Variants in PCF11 observed in about 807,000 individuals in gnomAD.
PCF11 encodes the protein PCF11 cleavage and polyadenylation factor subunit, also known as pre-mRNA cleavage complex 2 protein Pcf11.
Under a neutral mutation model 166.1 loss-of-function variants are expected in PCF11, and 19 were observed. The ratio of observed to expected loss-of-function variants is 0.11; its 90% CI spans 0.08 to 0.17. The LOEUF (loss-of-function observed/expected upper bound fraction) is 0.17. Ranked by LOEUF, PCF11 falls within the 10% of genes least tolerant of loss-of-function variation. PCF11 has a pLI of 1.00. For missense variants in PCF11, 1,565 were observed against 1,855.5 expected, an observed-to-expected ratio of 0.84 and a Z score of 2.88; for synonymous variants, 663 against 644.1, an observed-to-expected ratio of 1.03 and a Z score of -0.44.
chr11:83,157,154 C>G (rs1206635487), exon 1 of PCF11: 12 of 571,356 alleles, frequency 2.1e-5, no homozygotes, highest in African/African-American at 3.8e-5. Context: ...GTTGGGAACA[C>G]AGACATTTTC....
intron 8 of PCF11, 25 bp from the exon 9 acceptor site, chr11:83,171,793 C>T: frequency 8.2e-7 from 1 of 1,221,816 alleles, no homozygotes; most frequent in Non-Finnish European, 1.2e-6. Context: ...AAAGCATGTT[C>T]TTAAAATTAA....
At chr11:83,157,163 T>A (rs1233815490) in exon 1 of PCF11, 1 of 572,716 alleles carries the variant, frequency 1.7e-6, no homozygotes, top group Non-Finnish European at 3.1e-6. Flanking sequence ...ACAGACATTT[T>A]CGGAGCTGGA....
exon 2 of PCF11, chr11:83,161,347 T>C: frequency 6.3e-7 from 1 of 1,599,918 alleles, no homozygotes. Flanking sequence ...CAGAGAAGCT[T>C]CCTGTTATGT....
Position 83,167,390 on chromosome 11 carries a change from A to T in PCF11, c.2002-25A>T, listed in dbSNP as rs779736083. 6 of 1,531,980 alleles carry T rather than the reference A, an allele frequency of 3.9e-6. No individual in the cohort carries two copies. In the African/African-American group the frequency reaches 7.0e-5, roughly 18 times the overall value. 94.9% of individuals were successfully genotyped at this position (1,531,980 alleles called of 1,614,324 possible). ...TATTTTTTTATATTTAAAATATTTTATTTCCTTTTATCACCCCTATACAGA... is the reference window on the plus strand; with the variant it reads ...TATTTTTTTATATTTAAAATATTTTTTTTCCTTTTATCACCCCTATACAGA... On this transcript the variant is annotated intron_variant, in intron 6 of 15. Transcript: ENST00000298281. The surrounding 1 kb of genome is among the most constrained non-coding windows in gnomAD (Gnocchi z 4.2).
chr11:83,171,958 T>C (rs746509756), intron 9 of PCF11, 44 bp downstream of exon 9: 20 of 885,810 alleles, frequency 2.3e-5, no homozygotes, highest in Non-Finnish European at 3.2e-5. Flanking sequence ...CAAATGATTA[T>C]TGTTTTGTTG....
At chr11:83,182,422 A>G (rs763530200) in exon 14 of PCF11, 9 of 1,571,858 alleles carry the variant, frequency 5.7e-6, no homozygotes, top group Non-Finnish European at 6.1e-6. Flanking sequence ...GTCAAGAACA[A>G]TTTGAACAAT....
intron 9 of PCF11, among the ~76,000 whole-genome samples, chr11:83,173,281 C>T (rs1860749947): frequency 6.6e-6 from 1 of 152,072 alleles, no homozygotes; most frequent in Non-Finnish European, 1.5e-5. Context: ...ATGGTGAAAC[C>T]TCGTCTCTAC....
rs1861225447 is a variant in PCF11 at position 83,184,907 on chromosome 11, A to G, written c.*13A>G. 3.3e-6 allele frequency: 5 copies of G among 1,507,222 alleles called. No homozygotes were observed. In the East Asian group the frequency reaches 7.3e-5, roughly 22 times the overall value. The allele number at this position is 1,507,222 out of a possible 1,614,324, so 93.4% of individuals were successfully genotyped here. Reference sequence around the variant, plus strand: ...CGAGTCAGTTTAAATAAAATGAGAAAGGTATGTTTTTCTTTTTTAAAAAAG... The same window carrying G: ...CGAGTCAGTTTAAATAAAATGAGAAGGGTATGTTTTTCTTTTTTAAAAAAG... On this transcript the variant is annotated 3_prime_UTR_variant, in exon 16 of 16. Coordinates refer to ENST00000298281, the Ensembl canonical transcript of PCF11.
chr11:83,166,081 C>G (rs752576988), exon 5 of PCF11: 3 of 1,610,138 alleles, frequency 1.9e-6, no homozygotes, highest in Admixed American at 3.4e-5. Flanking sequence ...ATGAGGTTGT[C>G]TGATATGAAC....
chr11:83,182,543 G>C (rs1861118373), intron 14 of PCF11, 52 bp downstream of exon 14: 1 of 887,304 alleles, frequency 1.1e-6, no homozygotes, highest in African/African-American at 1.7e-5. Flanking sequence ...TTTTTTGTTG[G>C]GTTAACACAT....
At chr11:83,170,646 C>G (rs1565157273) in intron 8 of PCF11, among the ~76,000 whole-genome samples, 1 of 152,190 alleles carries the variant, frequency 6.6e-6, no homozygotes, top group Admixed American at 6.5e-5. Context: ...ACTGAGACAA[C>G]TTTAAGGCAG....
rs144555497 is a variant in PCF11, at chr11:83,182,446, A to G, written c.4371A>G (p.Glu1457=). The G allele has an allele frequency of 2.4e-3, 3,849 of 1,579,672 alleles. 8 individuals carry two copies. The highest frequency in any genetic ancestry group is 3.1e-3 in the Non-Finnish European group (3,602 of 1,149,332). ...AATTTGAACAATACTGGGATGAAGA[A>G]GAGGAGGAATGGCATTTGAAAAATG... The change falls in exon 14 of 16, where the codon GAA becomes GAG. Residue 1457 remains glutamate (E), a synonymous_variant. Transcript: ENST00000298281.
At chr11:83,157,147 G>C in exon 1 of PCF11, 2 of 565,094 alleles carry the variant, frequency 3.5e-6, no homozygotes, top group South Asian at 4.7e-5. Flanking sequence ...CGCAGCGGTT[G>C]GGAACACAGA....
At chr11:83,171,016 G>A (rs532066313) in intron 8 of PCF11, among the ~76,000 whole-genome samples, 109 of 152,196 alleles carry the variant, frequency 7.2e-4, no homozygotes, top group African/African-American at 2.3e-3. Context: ...ACACAGAATC[G>A]GTGGGGTTTT....
At chr11:83,177,273 AATGAT>A (rs1860919886) in intron 10 of PCF11, 69 bp downstream of exon 10, 2 of 1,200,796 alleles carry the variant, frequency 1.7e-6, no homozygotes, top group Non-Finnish European at 2.3e-6. Context: ...GATGTAATAT[AATGAT>A]ATAAGTTATG....
chr11:83,157,243 G>T (rs1860022539), exon 1 of PCF11: 1 of 596,732 alleles, frequency 1.7e-6, no homozygotes, highest in South Asian at 2.0e-5. Flanking sequence ...AGTGGACGGA[G>T]ATCACCCGCG....
chr11:83,180,448 A>G (rs1232982504), intron 11 of PCF11: 1 of 151,266 alleles, frequency 6.6e-6, no homozygotes, highest in Non-Finnish European at 1.5e-5. Context: ...GGTCTTCTAT[A>G]TATACCTGTT....
chr11:83,157,749 C>T (rs934182598), intron 1 of PCF11, 118 bp downstream of exon 1: 4 of 888,162 alleles, frequency 4.5e-6, no homozygotes, highest in Non-Finnish European at 1.8e-6. Context: ...TCCAACCCCC[C>T]CACCCCCCTC....
intron 1 of PCF11, among the ~76,000 whole-genome samples, chr11:83,160,666 C>CCA (rs1033442054): frequency 2.0e-5 from 3 of 152,080 alleles, no homozygotes; most frequent in African/African-American, 7.2e-5. Context: ...ATCCTGGTTT[C>CCA]CAGAGTCAAG....
Sources: allele counts gnomAD v4.1 joint callset (sites outside exome capture counted in the v4.1 genomes callset), GRCh38; gene constraint gnomAD v4.1.1; non-coding constraint Gnocchi (gnomAD v3.1); transcripts MANE v1.5; gene names NCBI Gene and HGNC (gene_info 2026-07-23, HGNC 2026-07-21).